The following KCTD8 variants were observed in gnomAD, a reference collection of about 807,000 sequenced individuals.
KCTD8 encodes the protein potassium channel tetramerization domain containing 8, also known as BTB/POZ domain-containing protein KCTD8.
A neutral mutation model predicts 31.5 loss-of-function variants in KCTD8; 27 were observed. That is an observed-to-expected ratio of 0.86 (90% CI 0.63 to 1.18). KCTD8 has a LOEUF of 1.18. Among genes scored for constraint, KCTD8 ranks in the 50% most tolerant of loss-of-function variants. The pLI is 0.00. For missense variants in KCTD8, 658 were observed against 647.7 expected (o/e 1.02, Z -0.17); for synonymous variants, 290 against 280.0 (o/e 1.04, Z -0.36).
At position 44,175,192 on chromosome 4, in the gene KCTD8, T is replaced by A; in HGVS notation, c.1020A>T (p.Lys340Asn). ...CACTTTCACTTCCTTTATCAGTGACTTTGTCATGTTTCCTATCTTCATGTT... is the reference window on the plus strand; with the variant it reads ...CACTTTCACTTCCTTTATCAGTGACATTGTCATGTTTCCTATCTTCATGTT... ...KQEHEDRKHDKVTDKGSESGT... is the reference protein window; with the variant it reads ...KQEHEDRKHDNVTDKGSESGT... The change falls in exon 2 of 2, where the codon AAA (lysine) becomes AAT (asparagine). Residue 340 changes from lysine to asparagine, a missense_variant. Transcript: ENST00000360029. 1 of 1,608,986 alleles carries A rather than the reference T, an allele frequency of 6.2e-7. No homozygotes were observed. Among genetic ancestry groups the A allele is most frequent in the Non-Finnish European group, 8.5e-7 (1 of 1,177,936 alleles).
intron 1 of KCTD8, among the ~76,000 whole-genome samples, chr4:44,419,967 G>A (rs1721173829): frequency 6.6e-6 from 1 of 152,050 alleles, no homozygotes. Context: ...AAAGTTAGCA[G>A]TGAAGAGATA....
chr4:44,390,230 T>C (rs1720332777), intron 1 of KCTD8, among the ~76,000 whole-genome samples: 1 of 151,860 alleles, frequency 6.6e-6, no homozygotes, highest in Non-Finnish European at 1.5e-5. Context: ...TCTAGAAGGG[T>C]TTTTCCGATG....
intron 1 of KCTD8, among the ~76,000 whole-genome samples, chr4:44,248,097 CT>C (rs1208142913): frequency 6.6e-6 from 1 of 151,822 alleles, no homozygotes; most frequent in African/African-American, 2.4e-5. Flanking sequence ...TTCAGCATGA[CT>C]TTTTTAACAC....
At chr4:44,355,610 G>T (rs1687638494) in intron 1 of KCTD8, among the ~76,000 whole-genome samples, 1 of 152,124 alleles carries the variant, frequency 6.6e-6, no homozygotes, top group Non-Finnish European at 1.5e-5. Flanking sequence ...TTGCCATGAA[G>T]AAATTGTTCT....
chr4:44,424,385 C>A lies in KCTD8; in HGVS notation c.961+23178G>T, dbSNP rs926064698. On this transcript the variant is annotated intron_variant, in intron 1 of 1. Coordinates refer to ENST00000360029, the MANE Select transcript of KCTD8 (RefSeq NM_198353.3). ...CTGCTTTTTCATACAGTTAGATAGA[C>A]CATCATATATACACAATGTAAACAG... Among the ~76,000 whole-genome samples the A allele has an allele frequency of 2.0e-5, 3 of 152,006 alleles. No individual in the cohort carries two copies. The East Asian group carries it at 5.8e-4, about 29-fold the overall frequency.
chr4:44,268,541 C>G (rs1377464243), intron 1 of KCTD8, among the ~76,000 whole-genome samples: 1 of 152,044 alleles, frequency 6.6e-6, no homozygotes, highest in African/African-American at 2.4e-5. Flanking sequence ...AAGTTCTGGC[C>G]AGGGCAATTA....
intron 1 of KCTD8, among the ~76,000 whole-genome samples, chr4:44,367,654 G>A (rs4446352): frequency 0.27 from 41,560 of 151,922 alleles, 6,860 homozygotes; most frequent in Non-Finnish European, 0.37. Flanking sequence ...TGTCATTGTT[G>A]AAAACCTCCA....
intron 1 of KCTD8, among the ~76,000 whole-genome samples, chr4:44,297,363 A>G (rs1022463385): frequency 2.6e-5 from 4 of 152,106 alleles, no homozygotes; most frequent in African/African-American, 7.2e-5. Flanking sequence ...TACTTTTTTG[A>G]CATAACATGG....
intron 1 of KCTD8, among the ~76,000 whole-genome samples, chr4:44,342,371 A>T (rs1466601875): frequency 1.3e-5 from 2 of 151,276 alleles, no homozygotes; most frequent in South Asian, 2.1e-4. Flanking sequence ...TGTCTCAAAA[A>T]AAAAAAAAAA....
chr4:44,399,832 T>C (rs992096902), intron 1 of KCTD8, among the ~76,000 whole-genome samples: 1 of 152,122 alleles, frequency 6.6e-6, no homozygotes, highest in Non-Finnish European at 1.5e-5. Flanking sequence ...TCCCTCCAAT[T>C]CCAATAGGGA....
intron 1 of KCTD8, among the ~76,000 whole-genome samples, chr4:44,217,393 G>C (rs570155296): frequency 6.6e-6 from 1 of 152,088 alleles, no homozygotes; most frequent in African/African-American, 2.4e-5. Flanking sequence ...GATTTTATTG[G>C]CTAAAAGAGA....
chr4:44,238,755 A>C (rs1217491740), intron 1 of KCTD8, among the ~76,000 whole-genome samples: 1 of 152,164 alleles, frequency 6.6e-6, no homozygotes, highest in African/African-American at 2.4e-5. Flanking sequence ...TTAAAAAGTC[A>C]TATCTGCTGT....
At chr4:44,254,341 TATAG>T (rs1249942687) in intron 1 of KCTD8, among the ~76,000 whole-genome samples, 2 of 151,888 alleles carry the variant, frequency 1.3e-5, no homozygotes, top group Non-Finnish European at 2.9e-5. Context: ...AAAGATCAAA[TATAG>T]TTTTTTACAG....
chr4:44,378,031 A>T (rs1719958633), intron 1 of KCTD8, among the ~76,000 whole-genome samples: 1 of 151,748 alleles, frequency 6.6e-6, no homozygotes, highest in Non-Finnish European at 1.5e-5. Flanking sequence ...TGTAAAGTTA[A>T]TTTTTTTATT....
At chr4:44,416,539 G>A (rs145135348) in intron 1 of KCTD8, among the ~76,000 whole-genome samples, 19 of 152,234 alleles carry the variant, frequency 1.2e-4, no homozygotes, top group Middle Eastern at 3.4e-3. Context: ...TCATAGGGGC[G>A]GATCTCTCAT....
intron 1 of KCTD8, among the ~76,000 whole-genome samples, chr4:44,192,245 G>A (rs2109335277): frequency 6.6e-6 from 1 of 152,252 alleles, no homozygotes; most frequent in African/African-American, 2.4e-5. Context: ...TCTAATCATT[G>A]TGTATTTATG....
At chr4:44,238,023 G>C (rs1232493241) in intron 1 of KCTD8, among the ~76,000 whole-genome samples, 3 of 152,154 alleles carry the variant, frequency 2.0e-5, no homozygotes, top group Non-Finnish European at 4.4e-5. Context: ...CTGCTCTCAG[G>C]ATGAAGTCTG....
At chr4:44,219,575 G>A (rs771499923) in intron 1 of KCTD8, among the ~76,000 whole-genome samples, 1 of 152,136 alleles carries the variant, frequency 6.6e-6, no homozygotes, top group Non-Finnish European at 1.5e-5. Context: ...AAGGACTGAC[G>A]GCTGCCACCA....
intron 1 of KCTD8, among the ~76,000 whole-genome samples, chr4:44,286,467 A>G (rs1717073523): frequency 6.6e-6 from 1 of 152,140 alleles, no homozygotes; most frequent in African/African-American, 2.4e-5. Context: ...TACCTTCAAA[A>G]TGGATCCATA....
Sources: allele counts gnomAD v4.1 joint callset (sites outside exome capture counted in the v4.1 genomes callset), GRCh38; gene constraint gnomAD v4.1.1; transcripts MANE v1.5; gene names NCBI Gene and HGNC (gene_info 2026-07-23, HGNC 2026-07-21).